The following ASCC3 variants were observed in gnomAD, a reference collection of about 807,000 sequenced individuals.
ASCC3 encodes ASC-1 complex subunit P200.
In ASCC3, 158 loss-of-function variants were observed where a neutral mutation model predicts 256.3. That is an observed-to-expected ratio of 0.62 (90% CI 0.54 to 0.70). ASCC3 has a LOEUF of 0.70. ASCC3 is among the 30% of genes least tolerant of loss of function. The pLI is 0.00. For missense variants in ASCC3, 2,259 were observed against 2,626.0 expected, an observed-to-expected ratio of 0.86 and a Z score of 3.05; for synonymous variants, 948 against 883.4, an observed-to-expected ratio of 1.07 and a Z score of -1.30.
intron 34 of ASCC3, among the ~76,000 whole-genome samples, chr6:100,596,825 C>T (rs1772327725): frequency 6.6e-6 from 1 of 152,138 alleles, no homozygotes; most frequent in Non-Finnish European, 1.5e-5. Context: ...TGCAATGGTT[C>T]CTGTTTCATC....
chr6:100,858,354 C>G, intron 3 of ASCC3: 1 of 268,952 alleles, frequency 3.7e-6, no homozygotes, highest in Non-Finnish European at 5.7e-6. Flanking sequence ...ATTTTTAATA[C>G]AGTGAGAAAC....
chr6:100,783,853 C>G (rs1562294382), intron 8 of ASCC3, among the ~76,000 whole-genome samples: 1 of 151,598 alleles, frequency 6.6e-6, no homozygotes, highest in Non-Finnish European at 1.5e-5. Flanking sequence ...TGAGCACGTA[C>G]TACATATGAG....
chr6:100,532,868 T>G (rs1292721546), intron 37 of ASCC3, among the ~76,000 whole-genome samples: 3 of 152,136 alleles, frequency 2.0e-5, no homozygotes, highest in Non-Finnish European at 4.4e-5. Flanking sequence ...AATTGGTTAT[T>G]AAAAGAAAAA....
At chr6:100,529,996 T>C (rs1236173044) in intron 37 of ASCC3, among the ~76,000 whole-genome samples, 1 of 152,160 alleles carries the variant, frequency 6.6e-6, no homozygotes, top group Non-Finnish European at 1.5e-5. Context: ...GATTTTTTTT[T>C]TTTTCTTTTT....
At chr6:100,558,561 A>C (rs540970269) in intron 36 of ASCC3, among the ~76,000 whole-genome samples, 2 of 152,252 alleles carry the variant, frequency 1.3e-5, no homozygotes, top group South Asian at 4.1e-4. Context: ...GGAACATGTA[A>C]AATAAAGAAA....
chr6:100,551,112 A>G (rs906589628), intron 36 of ASCC3, among the ~76,000 whole-genome samples: 1 of 151,940 alleles, frequency 6.6e-6, no homozygotes, highest in Non-Finnish European at 1.5e-5. Context: ...ATTTCTTTGC[A>G]AAAAACTATA....
intron 1 of ASCC3, among the ~76,000 whole-genome samples, chr6:100,870,890 A>C (rs935366263): frequency 6.6e-6 from 1 of 152,198 alleles, no homozygotes; most frequent in African/African-American, 2.4e-5. Flanking sequence ...ACTTTATTAT[A>C]TATTGAAACT....
At chr6:100,554,902 T>C (rs1383165278) in intron 36 of ASCC3, among the ~76,000 whole-genome samples, 2 of 151,994 alleles carry the variant, frequency 1.3e-5, no homozygotes, top group Non-Finnish European at 2.9e-5. Flanking sequence ...ATATAACTTT[T>C]TTCTATATAT....
At position 100,776,875 on chromosome 6, in the gene ASCC3, G is replaced by C. The variant is rs193070651; in HGVS notation, c.1396-9530C>G. Among the ~76,000 whole-genome samples the C allele has an allele frequency of 1.9e-4, 29 of 151,912 alleles. No individual in the cohort carries two copies. The East Asian group carries it at 4.1e-3, about 21-fold the overall frequency. ...TCAAACCATAGACATTAAAATTTCA[G>C]CATATATTTATGATAAATCATATAG... On this transcript the variant is annotated intron_variant, in intron 8 of 41. Coordinates refer to ENST00000369162, the MANE Select transcript of ASCC3 (RefSeq NM_006828.4).
At chr6:100,567,574 T>G (rs925615494) in intron 36 of ASCC3, among the ~76,000 whole-genome samples, 2 of 152,192 alleles carry the variant, frequency 1.3e-5, no homozygotes, top group Non-Finnish European at 2.9e-5. Context: ...TCATCCCCTC[T>G]AGCAGTCTCC....
At chr6:100,832,858 C>T (rs1771688171) in intron 4 of ASCC3, among the ~76,000 whole-genome samples, 1 of 151,648 alleles carries the variant, frequency 6.6e-6, no homozygotes. Flanking sequence ...TACAATTAAA[C>T]AATAAAAACT....
chr6:100,546,185 G>C (rs1775710438), intron 36 of ASCC3, among the ~76,000 whole-genome samples: 1 of 152,074 alleles, frequency 6.6e-6, no homozygotes, highest in Non-Finnish European at 1.5e-5. Context: ...AGATGAATCT[G>C]ATAAAAATAT....
At chr6:100,556,944 T>C (rs557354017) in intron 36 of ASCC3, among the ~76,000 whole-genome samples, 1 of 152,214 alleles carries the variant, frequency 6.6e-6, no homozygotes, top group East Asian at 1.9e-4. Context: ...AGCCAAAGAT[T>C]ACCCCCAAAA....
At chr6:100,816,508 T>G (rs1770754375) in intron 4 of ASCC3, among the ~76,000 whole-genome samples, 1 of 152,128 alleles carries the variant, frequency 6.6e-6, no homozygotes. Flanking sequence ...GGAGTCAACC[T>G]AAATCCCATC....
intron 7 of ASCC3, 90 bp downstream of exon 7, chr6:100,799,341 G>A: frequency 2.8e-6 from 4 of 1,416,036 alleles, no homozygotes; most frequent in East Asian, 2.3e-5. Context: ...GTCAACTAGT[G>A]TTAGACTCAC....
At chr6:100,648,326 T>A (rs2114906110) in intron 20 of ASCC3, among the ~76,000 whole-genome samples, 1 of 152,250 alleles carries the variant, frequency 6.6e-6, no homozygotes, top group African/African-American at 2.4e-5. Flanking sequence ...AGATTGTTTT[T>A]TAAATGAACT....
intron 30 of ASCC3, among the ~76,000 whole-genome samples, chr6:100,608,090 C>CTATATATAAATATATATGTATATATATG (rs1474884642): frequency 2.8e-5 from 2 of 71,622 alleles, no homozygotes; most frequent in Admixed American, 2.1e-4. Flanking sequence ...GTATATATAT[C>CTATATATAAATATATATGTATATATATG]TATATACACA....
intron 10 of ASCC3, among the ~76,000 whole-genome samples, chr6:100,740,676 GTCT>G: frequency 6.6e-6 from 1 of 152,048 alleles, no homozygotes; most frequent in East Asian, 1.9e-4. Context: ...ACCCTTCCTT[GTCT>G]TTTTTTATCT....
intron 14 of ASCC3, among the ~76,000 whole-genome samples, chr6:100,667,896 A>C (rs12526911): frequency 6.6e-6 from 1 of 152,014 alleles, no homozygotes; most frequent in African/African-American, 2.4e-5. Flanking sequence ...AATAAGGGAG[A>C]CCAGTTAGGT....
Sources: gnomAD v4.1 joint callset for allele counts (sites outside exome capture counted in the v4.1 genomes callset) on GRCh38, gnomAD v4.1.1 for gene constraint, MANE v1.5 for transcripts, NCBI Gene and HGNC (gene_info 2026-07-23, HGNC 2026-07-21) for gene names.